The following PDE3A variants were observed in gnomAD, a reference collection of about 807,000 sequenced individuals.
The protein encoded by PDE3A is phosphodiesterase 3A, also known as cGMP-inhibited 3',5'-cyclic phosphodiesterase 3A.
PDE3A carries 43 observed loss-of-function variants against 98.3 expected under a neutral mutation model. That is an observed-to-expected ratio of 0.44 (90% CI 0.34 to 0.56). The LOEUF is 0.56. PDE3A is among the 20% of genes least tolerant of loss of function. PDE3A has a pLI of 0.01. For synonymous variants in PDE3A, 663 were observed against 567.9 expected, an observed-to-expected ratio of 1.17 and a Z score of -2.38; for missense variants, 1,427 against 1,440.7, an observed-to-expected ratio of 0.99 and a Z score of 0.15.
Position 20,564,387 on chromosome 12 carries a change from A to G in PDE3A, c.1011+7677A>G, listed in dbSNP as rs149011646. 9.2e-3 allele frequency among the ~76,000 whole-genome samples: 1,399 copies of G among 152,268 alleles called. 7 individuals are homozygous for G. The highest frequency in any genetic ancestry group is 0.017 in the Middle Eastern group (5 of 292). On this transcript the variant is annotated intron_variant, in intron 2 of 15. Transcript: ENST00000359062. ...ACACTTTATGTAGGAAAATGAGAACATGTTTCTTCAAGCATTTATGCTTTC... is the reference window on the plus strand; with the variant it reads ...ACACTTTATGTAGGAAAATGAGAACGTGTTTCTTCAAGCATTTATGCTTTC...
Position 20,654,011 on chromosome 12 carries a change from T to C in PDE3A, c.2990T>C (p.Leu997Pro). The C allele has an allele frequency of 1.2e-6, 2 of 1,614,164 alleles. No homozygotes were observed. The highest frequency in any genetic ancestry group is 1.7e-6 in the Non-Finnish European group (2 of 1,180,014). ...SPFMDRSAPQ[L>P]ANLQESFISH... ...TTCATGGATCGTTCTGCTCCTCAGC[T>C]GGCCAACCTTCAGGAATCCTTCATC... The change falls in exon 15 of 16, where the codon CTG becomes CCG. Residue 997 changes from leucine to proline, a missense_variant. Physicochemically the swap from Leu to Pro is moderately conservative, Grantham distance 98. Around this residue, in one of 3 missense-constraint regions of PDE3A, gnomAD observed 273 missense variants for 420.3 expected, o/e 0.65. Transcript: ENST00000359062.
chr12:20,430,093 C>T (rs912827705), intron 1 of PDE3A, among the ~76,000 whole-genome samples: 7 of 152,022 alleles, frequency 4.6e-5, no homozygotes, highest in African/African-American at 1.7e-4. Flanking sequence ...TTGCCAGTAT[C>T]GCTTTCTGAA....
chr12:20,575,862 A>C (rs1005547396), intron 2 of PDE3A, among the ~76,000 whole-genome samples: 1 of 152,084 alleles, frequency 6.6e-6, no homozygotes, highest in Admixed American at 6.6e-5. Context: ...CCTGATTGAA[A>C]TAAGGGTCTT....
At chr12:20,536,381 A>G (rs1286432213) in intron 1 of PDE3A, among the ~76,000 whole-genome samples, 1 of 151,936 alleles carries the variant, frequency 6.6e-6, no homozygotes, top group African/African-American at 2.4e-5. Context: ...TTATTGAAAT[A>G]TGATTCACAT....
intron 1 of PDE3A, among the ~76,000 whole-genome samples, chr12:20,503,102 T>C (rs907185371): frequency 3.9e-5 from 6 of 152,130 alleles, no homozygotes; most frequent in African/African-American, 1.4e-4. Context: ...GTTTAGTCCT[T>C]ATATAAATTA....
intron 1 of PDE3A, among the ~76,000 whole-genome samples, chr12:20,471,865 C>T (rs10841543): frequency 0.13 from 19,004 of 152,012 alleles, 1,303 homozygotes; most frequent in African/African-American, 0.15. Context: ...TAATCCCTCC[C>T]AGCTACTGTG....
rs374548132 is a variant in PDE3A, at chr12:20,541,796, C to G, written c.961-14864C>G. The stretch of plus-strand genomic sequence containing the variant: ...ATTACTTTCAACATATCAAATGGGT[C>G]ATGGACCCGTGAAGAATTGAGGGGG... On this transcript the variant is annotated intron_variant, in intron 1 of 15. Transcript: ENST00000359062. 5.9e-5 allele frequency among the ~76,000 whole-genome samples: 9 copies of G among 152,128 alleles called. No homozygotes were observed. The East Asian group carries it at 1.7e-3, about 29-fold the overall frequency.
intron 1 of PDE3A, among the ~76,000 whole-genome samples, chr12:20,537,905 A>T (rs535858984): frequency 1.9e-4 from 29 of 151,780 alleles, no homozygotes; most frequent in Non-Finnish European, 3.2e-4. Context: ...AGTCAGATCT[A>T]TGACAACAAA....
chr12:20,459,029 G>A (rs544967549), intron 1 of PDE3A, among the ~76,000 whole-genome samples: 3 of 152,270 alleles, frequency 2.0e-5, no homozygotes, highest in Admixed American at 6.5e-5. Flanking sequence ...ATGGAAATAA[G>A]TCAAATGTTA....
Position 20,669,908 on chromosome 12 carries a change from T to C in PDE3A, c.3185-10122T>C, listed in dbSNP as rs555919901. On this transcript the variant is annotated intron_variant, in intron 15 of 15. Coordinates refer to ENST00000359062, the MANE Select transcript of PDE3A (RefSeq NM_000921.5). ...CAATTAAAAGACACAGACTGGCAAA[T>C]TGGATAAAGAGTCAAGACCAATCAG... is the stretch of plus-strand genomic sequence containing the variant. 4.3e-3 allele frequency among the ~76,000 whole-genome samples: 661 copies of C among 152,036 alleles called. 6 individuals are homozygous for C. The highest frequency in any genetic ancestry group is 0.015 in the African/African-American group (618 of 41,388).
chr12:20,395,688 T>TTA (rs5796857), intron 1 of PDE3A, among the ~76,000 whole-genome samples: 88,563 of 143,196 alleles, frequency 0.62, 27,898 homozygotes, highest in East Asian at 0.88. Flanking sequence ...AATAGAATCA[T>TTA]TATATATATA....
chr12:20,426,337 G>A (rs1328376837), intron 1 of PDE3A, among the ~76,000 whole-genome samples: 2 of 152,080 alleles, frequency 1.3e-5, no homozygotes, highest in Non-Finnish European at 1.5e-5. Context: ...AGCTTAATAT[G>A]AGCCAACTGT....
chr12:20,661,631 G>C (rs1263460124), intron 15 of PDE3A, among the ~76,000 whole-genome samples: 1 of 152,186 alleles, frequency 6.6e-6, no homozygotes, highest in East Asian at 1.9e-4. Context: ...GGTACAGCTT[G>C]GGCTGTTGCT....
chr12:20,552,978 C>G lies in PDE3A; in HGVS notation c.961-3682C>G, dbSNP rs1942257288. On this transcript the variant is annotated intron_variant, in intron 1 of 15. Transcript: ENST00000359062. This position sits in a 1 kb window ranked among gnomAD's most constrained non-coding sequence, Gnocchi z 5.1. ...ACCAGCCTCTGCAGACCGTCCTCAA[C>G]CAGCTCTTCCCCGGCTACGGCAATG... The G allele has an allele frequency of 6.3e-7, 1 of 1,576,840 alleles. No individual in the cohort carries two copies. The highest frequency in any genetic ancestry group is 1.4e-5 in the African/African-American group (1 of 73,604).
At chr12:20,484,483 A>G (rs1183351068) in intron 1 of PDE3A, among the ~76,000 whole-genome samples, 1 of 152,220 alleles carries the variant, frequency 6.6e-6, no homozygotes, top group Non-Finnish European at 1.5e-5. Flanking sequence ...TTTTTGGCGT[A>G]TCTGTGATTT....
chr12:20,578,857 A>G lies in PDE3A; in HGVS notation c.1011+22147A>G, dbSNP rs139033640. On this transcript the variant is annotated intron_variant, in intron 2 of 15. Transcript: ENST00000359062. ...GCAGTTTCATTTGATCACTTCCTAT[A>G]TGTAAGTCTTTAGGAGTTTAAGAGT... 3.4e-4 allele frequency among the ~76,000 whole-genome samples: 51 copies of G among 152,202 alleles called. No individual in the cohort carries two copies. In the East Asian group the frequency reaches 8.9e-3, roughly 27 times the overall value.
intron 1 of PDE3A, among the ~76,000 whole-genome samples, chr12:20,482,929 A>C (rs1945656396): frequency 6.6e-6 from 1 of 152,232 alleles, no homozygotes; most frequent in Non-Finnish European, 1.5e-5. Flanking sequence ...TAGAAAGTGC[A>C]AAGTACGATA....
At chr12:20,403,719 C>G (rs1944175991) in intron 1 of PDE3A, among the ~76,000 whole-genome samples, 1 of 152,044 alleles carries the variant, frequency 6.6e-6, no homozygotes, top group African/African-American at 2.4e-5. Context: ...TTTTATAAGG[C>G]CTCCCCAAAA....
chr12:20,400,573 C>A (rs1218047958), intron 1 of PDE3A, among the ~76,000 whole-genome samples: 1 of 151,470 alleles, frequency 6.6e-6, no homozygotes, highest in African/African-American at 2.4e-5. Flanking sequence ...CGCCCGTGAC[C>A]GCACCCGGCT....
Sources: allele counts gnomAD v4.1 joint callset (sites outside exome capture counted in the v4.1 genomes callset), GRCh38; gene constraint gnomAD v4.1.1; regional missense constraint gnomAD v4.1.1; non-coding constraint Gnocchi (gnomAD v3.1); transcripts MANE v1.5; gene names NCBI Gene and HGNC (gene_info 2026-07-23, HGNC 2026-07-21).